MGRN1: variants seen among roughly 807,000 people sequenced by gnomAD.
The protein encoded by MGRN1 is mahogunin ring finger 1, also known as E3 ubiquitin-protein ligase MGRN1.
In MGRN1, 29 loss-of-function variants were observed where a neutral mutation model predicts 69.2. That is an observed-to-expected ratio of 0.42 (90% CI 0.31 to 0.57). The LOEUF (loss-of-function observed/expected upper bound fraction) is 0.57, where lower values mean the gene tolerates loss of function less well. Among genes scored for constraint, MGRN1 ranks in the 20% least tolerant of loss-of-function variants. The pLI, the probability that MGRN1 is intolerant of heterozygous loss-of-function variation, is 0.15. For synonymous variants in MGRN1, 470 were observed against 344.2 expected (o/e 1.37, Z -4.04); for missense variants, 998 against 796.2 (o/e 1.25, Z -3.05).
intron 2 of MGRN1, 191 bp downstream of exon 2, chr16:4,650,674 C>T (rs80265182): frequency 4.4e-6 from 2 of 456,416 alleles, no homozygotes; most frequent in Middle Eastern, 5.6e-4. Context: ...GGTGCTGCCC[C>T]CTAGAGGCCA....
chr16:4,661,033 G>C (rs995829184), intron 5 of MGRN1, among the ~76,000 whole-genome samples: 3 of 152,168 alleles, frequency 2.0e-5, no homozygotes, highest in African/African-American at 7.2e-5. Context: ...CCAGGCTGGA[G>C]TGCAGTGGCA....
intron 1 of MGRN1, among the ~76,000 whole-genome samples, chr16:4,643,403 ATTTTTTTTTT>A (rs34438924): frequency 9.1e-6 from 1 of 109,838 alleles, no homozygotes; most frequent in African/African-American, 3.6e-5. Context: ...GCCTTGCTTG[ATTTTTTTTTT>A]TTTTTTTTTT....
At chr16:4,648,389 C>T (rs559133711) in intron 1 of MGRN1, among the ~76,000 whole-genome samples, 16 of 130,200 alleles carry the variant, frequency 1.2e-4, no homozygotes, top group Non-Finnish European at 2.1e-4. Flanking sequence ...GGACTCTTCC[C>T]GTGGTCACCC....
At position 4,665,118 on chromosome 16, in the gene MGRN1, C is replaced by T. The variant is rs1318664921; in HGVS notation, c.645C>T (p.Gly215=). Residue 215 remains glycine (G), a synonymous_variant, in exon 7 of 17, where the codon GGC becomes GGT. Coordinates refer to ENST00000262370, the MANE Select transcript of MGRN1 (RefSeq NM_015246.4). ...CCCCAGCAGTGGTGGAAGTGACTGG[C>T]CACGCCCACGTGCTCTTGGCTGCCT... ...VDEGDVVEVT[G]HAHVLLAAFE... is the part of the protein sequence containing the mutation. 6.2e-7 allele frequency: 1 copy of T among 1,614,224 alleles called. No homozygotes were observed. The highest frequency in any genetic ancestry group is 1.1e-5 in the South Asian group (1 of 91,090).
intron 16 of MGRN1, chr16:4,688,141 A>G (rs916843034): frequency 1.0e-5 from 10 of 985,358 alleles, no homozygotes; most frequent in African/African-American, 1.7e-5. Flanking sequence ...GCTGGGAGCC[A>G]TGTGTCAGGG....
At chr16:4,652,526 A>T in intron 3 of MGRN1, 152 bp from the exon 4 acceptor site, 1 of 1,017,906 alleles carries the variant, frequency 9.8e-7, no homozygotes, top group Non-Finnish European at 1.4e-6. Context: ...CTGGGCTTTC[A>T]TGTACAAATA....
At chr16:4,678,522 C>A (rs562085354) in intron 11 of MGRN1, among the ~76,000 whole-genome samples, 6 of 149,278 alleles carry the variant, frequency 4.0e-5, no homozygotes, top group African/African-American at 1.2e-4. Context: ...AAGAGACAGA[C>A]AGATGTGGAG....
At chr16:4,681,874 G>A (rs564653309) in intron 13 of MGRN1, 98 bp downstream of exon 13, 1 of 1,235,694 alleles carries the variant, frequency 8.1e-7, no homozygotes, top group South Asian at 1.5e-5. Flanking sequence ...GATGTGTTCT[G>A]TGTGGCGATT....
chr16:4,679,393 G>T (rs1255947185), intron 11 of MGRN1, among the ~76,000 whole-genome samples: 1 of 152,168 alleles, frequency 6.6e-6, no homozygotes, highest in Non-Finnish European at 1.5e-5. Flanking sequence ...GCCCCAGAAG[G>T]GCTGGCACCC....
intron 16 of MGRN1, chr16:4,687,083 C>A (rs762840485): frequency 3.8e-4 from 378 of 985,348 alleles, no homozygotes; most frequent in Non-Finnish European, 4.3e-4. Context: ...GGCACACAGT[C>A]CCTCGTGGGC....
intron 6 of MGRN1, 32 bp from the exon 7 acceptor site, chr16:4,665,070 C>T: frequency 6.2e-7 from 1 of 1,613,802 alleles, no homozygotes; most frequent in South Asian, 1.1e-5. Context: ...CAGGCCCCGA[C>T]TCTGACTACT....
intron 4 of MGRN1, among the ~76,000 whole-genome samples, chr16:4,656,094 G>T (rs896483954): frequency 6.6e-6 from 1 of 152,232 alleles, no homozygotes; most frequent in Admixed American, 6.5e-5. Context: ...GTGGAGCCCT[G>T]GCCACAGGCA....
chr16:4,660,297 G>T (rs2078647662), intron 5 of MGRN1, among the ~76,000 whole-genome samples: 1 of 152,254 alleles, frequency 6.6e-6, no homozygotes, highest in Non-Finnish European at 1.5e-5. Flanking sequence ...GTCCCTCGCA[G>T]GGTGGCCACG....
At chr16:4,683,021 C>G in intron 14 of MGRN1, 75 bp downstream of exon 14, 3 of 1,487,328 alleles carry the variant, frequency 2.0e-6, no homozygotes, top group Non-Finnish European at 1.8e-6. Context: ...TGGAATCAGA[C>G]CCCATCCCAC....
chr16:4,625,613 C>T (rs1028617722), intron 1 of MGRN1, among the ~76,000 whole-genome samples: 10 of 152,246 alleles, frequency 6.6e-5, no homozygotes, highest in African/African-American at 2.2e-4. Context: ...TGAGAGGACC[C>T]AGCCGATACT....
chr16:4,670,777 C>G (rs1261597477), intron 8 of MGRN1, among the ~76,000 whole-genome samples: 3 of 152,148 alleles, frequency 2.0e-5, no homozygotes, highest in South Asian at 2.1e-4. Flanking sequence ...AACAGGAGAC[C>G]CCAGTGATGG....
chr16:4,644,308 T>G (rs944521840), intron 1 of MGRN1, among the ~76,000 whole-genome samples: 4 of 145,528 alleles, frequency 2.7e-5, no homozygotes, highest in African/African-American at 7.7e-5. Context: ...ATTACCAGTT[T>G]TTTTTTTTTT....
intron 5 of MGRN1, among the ~76,000 whole-genome samples, chr16:4,663,379 T>G (rs1294918614): frequency 2.2e-5 from 3 of 135,814 alleles, no homozygotes; most frequent in African/African-American, 7.6e-5. Flanking sequence ...TTTTTTTTTT[T>G]TTTTTTTTTT....
chr16:4,644,027 G>A (rs1433348897), intron 1 of MGRN1, among the ~76,000 whole-genome samples: 1 of 151,958 alleles, frequency 6.6e-6, no homozygotes, highest in African/African-American at 2.4e-5. Flanking sequence ...GGCTGGAGTG[G>A]AGTGAGGTGG....
Sources: allele counts gnomAD v4.1 joint callset (sites outside exome capture counted in the v4.1 genomes callset), GRCh38; gene constraint gnomAD v4.1.1; transcripts MANE v1.5; gene names NCBI Gene and HGNC (gene_info 2026-07-23, HGNC 2026-07-21).